SERPINB1: variants seen among roughly 807,000 people sequenced by gnomAD.
SERPINB1 encodes leukocyte elastase inhibitor.
In SERPINB1, 23 loss-of-function variants were observed where a neutral mutation model predicts 25.9. The observed-to-expected ratio is 0.89, with a 90% CI of 0.64 to 1.26. The LOEUF is 1.26. Ranked by LOEUF, SERPINB1 falls within the 50% of genes most tolerant of loss-of-function variation. The probability of loss-of-function intolerance (pLI) is 0.00; values close to 1 mark genes in which losing one functional copy is unlikely to be tolerated. For synonymous variants in SERPINB1, 178 were observed against 178.7 expected, an observed-to-expected ratio of 1.00 and a Z score of 0.03; for missense variants, 399 against 463.6, an observed-to-expected ratio of 0.86 and a Z score of 1.28.
chr6:2,840,579 T>C lies in SERPINB1; in HGVS notation c.8A>G (p.Gln3Arg). 2 of 1,611,890 alleles carry C rather than the reference T, an allele frequency of 1.2e-6. No individual in the cohort carries two copies. Among genetic ancestry groups the C allele is most frequent in the Non-Finnish European group, 1.7e-6 (2 of 1,178,950 alleles). ME[Q>R]LSSANTRFAL... Reference sequence around the variant, plus strand: ...GAAGCGGGTGTTTGCTGAGCTCAGCTGCTCCATGGTGAAAACTGCAACACA... The same window carrying C: ...GAAGCGGGTGTTTGCTGAGCTCAGCCGCTCCATGGTGAAAACTGCAACACA... Residue 3 changes from glutamine to arginine, a missense_variant, in exon 2 of 7, where the codon CAG (glutamine) becomes CGG (arginine). Coordinates refer to ENST00000380739, the MANE Select transcript of SERPINB1 (RefSeq NM_030666.4).
At chr6:2,839,231 C>T in intron 2 of SERPINB1, 1 of 754,958 alleles carries the variant, frequency 1.3e-6, no homozygotes, top group Non-Finnish European at 1.6e-6. Context: ...GTATCAGTTA[C>T]AAATCAAGAG....
intron 2 of SERPINB1, among the ~76,000 whole-genome samples, chr6:2,839,084 T>C (rs948628661): frequency 3.3e-5 from 5 of 152,246 alleles, no homozygotes; most frequent in Non-Finnish European, 5.9e-5. Flanking sequence ...AAAATAGGAT[T>C]CATCCTCTAT....
chr6:2,840,648 G>A lies in SERPINB1; in HGVS notation c.-8-54C>T. The A allele has an allele frequency of 3.3e-6, 5 of 1,502,962 alleles. No homozygotes were observed. The South Asian group carries it at 3.9e-5, about 12-fold the overall frequency. 93.1% of individuals were successfully genotyped at this position (1,502,962 alleles called of 1,614,324 possible). ...GCCCACTGCCCACGCCAGCAGATTA[G>A]GCAGCACTATTTCTCCAGAAGCTTC... On this transcript the variant is annotated intron_variant, in intron 1 of 6. Coordinates refer to ENST00000380739, the MANE Select transcript of SERPINB1 (RefSeq NM_030666.4).
rs555683814 is a variant in SERPINB1, at chr6:2,835,892, C to A, written c.699G>T (p.Pro233=). The A allele has an allele frequency of 6.2e-7, 1 of 1,614,110 alleles. No homozygotes were observed. Among genetic ancestry groups the A allele is most frequent in the Non-Finnish European group, 8.5e-7 (1 of 1,180,030 alleles). ...GEELSMVILL[P]DDIEDESTGL... ...CCGTGGACTCGTCCTCAATGTCATC[C>A]GGCAGCAGGATGACCATGCTGAGCT... Residue 233 remains proline (P), a synonymous_variant, in exon 6 of 7, where the codon CCG becomes CCT. Transcript: ENST00000380739.
Position 2,833,897 on chromosome 6 carries a change from AGAG to A in SERPINB1, c.848_850del (p.Thr283_Leu284delinsIle). 1 of 1,614,166 alleles carries A rather than the reference AGAG, an allele frequency of 6.2e-7. No homozygotes were observed. Among genetic ancestry groups the A allele is most frequent in the Non-Finnish European group, 8.5e-7 (1 of 1,180,030 alleles). ...ACCTAGGCGGGCGAGGTCGGAGTTG[AGAG>A]TGTAACTCTCTTCCAGTTTGAACCT... On this transcript the variant is annotated inframe_deletion, in exon 7 of 7. Coordinates refer to ENST00000380739, the MANE Select transcript of SERPINB1 (RefSeq NM_030666.4).
chr6:2,840,608 C>A lies in SERPINB1; in HGVS notation c.-8-14G>T. ...CCATGGTGAAAACTGCAACACAGAA[C>A]AGGGTCCTCATGGTGCCCACTGCCC... On this transcript the variant is annotated splice_polypyrimidine_tract_variant and intron_variant, in intron 1 of 6. Coordinates refer to ENST00000380739, the MANE Select transcript of SERPINB1 (RefSeq NM_030666.4). 1 of 1,593,844 alleles carries A rather than the reference C, an allele frequency of 6.3e-7. No individual in the cohort carries two copies. The highest frequency in any genetic ancestry group is 8.6e-7 in the Non-Finnish European group (1 of 1,169,074).
intron 6 of SERPINB1, among the ~76,000 whole-genome samples, chr6:2,835,546 T>C (rs1011663235): frequency 1.3e-5 from 2 of 151,936 alleles, no homozygotes; most frequent in African/African-American, 2.4e-5. Context: ...TCTTGAAAAA[T>C]GAAACGTTAG....
chr6:2,840,515 C>A lies in SERPINB1; in HGVS notation c.72G>T (p.Pro24=), dbSNP rs532327597. ...DLFLALSENN[P]AGNIFISPFS... Reference sequence around the variant, plus strand: ...AGGGAGAGATGAAGATGTTTCCAGCCGGATTGTTCTCACTCAACGCCAGGA... The same window carrying A: ...AGGGAGAGATGAAGATGTTTCCAGCAGGATTGTTCTCACTCAACGCCAGGA... Residue 24 remains proline (P), a synonymous_variant, in exon 2 of 7, where the codon CCG becomes CCT. Coordinates refer to ENST00000380739, the MANE Select transcript of SERPINB1 (RefSeq NM_030666.4). 2 of 1,614,116 alleles carry A rather than the reference C, an allele frequency of 1.2e-6. No homozygotes were observed. The highest frequency in any genetic ancestry group is 1.1e-5 in the South Asian group (1 of 91,080).
intron 6 of SERPINB1, among the ~76,000 whole-genome samples, chr6:2,835,071 A>G (rs1287892078): frequency 6.6e-6 from 1 of 152,242 alleles, no homozygotes; most frequent in Non-Finnish European, 1.5e-5. Flanking sequence ...TTGTTATACA[A>G]TGTATTAAAA....
chr6:2,836,011 T>C lies in SERPINB1; in HGVS notation c.580A>G (p.Thr194Ala). Residue 194 changes from threonine (T) to alanine (A), a missense_variant, in exon 6 of 7, where the codon ACT (threonine) becomes GCT (alanine). By Grantham distance (58) the Thr-to-Ala change is moderately conservative (BLOSUM62 0). Transcript: ENST00000380739. ...TTCTTCTGATACATCATTTTCACAG[T>C]TTTTCTGTCTTTCTGAACAGTTTTA... ...PFRLNKKDRK[T>A]VKMMYQKKKF... 6.2e-7 allele frequency: 1 copy of C among 1,614,110 alleles called. No homozygotes were observed. The highest frequency in any genetic ancestry group is 8.5e-7 in the Non-Finnish European group (1 of 1,180,034).
In SERPINB1 at chr6:2,833,521, G is replaced by T. The variant is rs2113529133; in HGVS notation, c.*87C>A. 4.8e-6 allele frequency: 6 copies of T among 1,237,758 alleles called. No individual in the cohort carries two copies. In the South Asian group the frequency reaches 9.6e-5, roughly 20 times the overall value. 76.7% of individuals were successfully genotyped at this position (1,237,758 alleles called of 1,614,324 possible). A position where few individuals can be genotyped will look rare whatever the true frequency, so the allele number is the denominator to read the frequency against. ...TTGTTTCTGAACAGTGGTTTTATTG[G>T]TAAAGATATAAGACATATTGGCTCT... On this transcript the variant is annotated 3_prime_UTR_variant, in exon 7 of 7. Transcript: ENST00000380739.
rs1043478279 is a variant in SERPINB1, at chr6:2,837,348, G to T, written c.424+534C>A. Reference sequence around the variant, plus strand: ...GGCTGGAGTACAGTGGCATGATCTCGGCTCACTGTAACCTTTACCTCCTGT... The same window carrying T: ...GGCTGGAGTACAGTGGCATGATCTCTGCTCACTGTAACCTTTACCTCCTGT... On this transcript the variant is annotated intron_variant, in intron 4 of 6. Transcript: ENST00000380739. The surrounding 1 kb of genome is among the most constrained non-coding windows in gnomAD (Gnocchi z 4.3). Among the ~76,000 whole-genome samples, 1 of 151,688 alleles carries T rather than the reference G, an allele frequency of 6.6e-6. No homozygotes were observed. Among genetic ancestry groups the T allele is most frequent in the East Asian group, 1.9e-4 (1 of 5,184 alleles).
intron 6 of SERPINB1, 117 bp downstream of exon 6, chr6:2,835,739 A>G: frequency 8.4e-7 from 1 of 1,190,130 alleles, no homozygotes; most frequent in Non-Finnish European, 1.2e-6. Flanking sequence ...CTACATTTAC[A>G]AAGGAATGAC....
Position 2,837,838 on chromosome 6 carries a change from G to T in SERPINB1, c.424+44C>A. The T allele has an allele frequency of 1.4e-6, 2 of 1,404,590 alleles. No individual in the cohort carries two copies. Among genetic ancestry groups the T allele is most frequent in the South Asian group, 1.2e-5 (1 of 86,472 alleles). 87.0% of individuals were successfully genotyped at this position (1,404,590 alleles called of 1,614,324 possible). On this transcript the variant is annotated intron_variant, in intron 4 of 6. Coordinates refer to ENST00000380739, the MANE Select transcript of SERPINB1 (RefSeq NM_030666.4). The surrounding 1 kb of genome is among the most constrained non-coding windows in gnomAD (Gnocchi z 4.3). The stretch of plus-strand genomic sequence containing the variant: ...GGGAAGGCGGACTGAGGAAACGAAT[G>T]ACATGACCAGCGCATAATGATTCCA...
At chr6:2,839,922 G>A (rs1033373231) in intron 2 of SERPINB1, among the ~76,000 whole-genome samples, 2 of 152,162 alleles carry the variant, frequency 1.3e-5, no homozygotes, top group South Asian at 4.1e-4. Flanking sequence ...CAGAACCACA[G>A]GGTCACTTTT....
At position 2,838,679 on chromosome 6, in the gene SERPINB1, T is replaced by C; in HGVS notation, c.176A>G (p.His59Arg). Residue 59 changes from histidine to arginine, a missense_variant, in exon 3 of 7, where the codon CAT (histidine) becomes CGT (arginine). By Grantham distance (29) the His-to-Arg change is conservative. Coordinates refer to ENST00000380739, the MANE Select transcript of SERPINB1 (RefSeq NM_030666.4). ...ATGAACCTCTTCAACCGTGTTGAAATGGAAAGTCTAAAATAAAGAAAATCT... is the reference window on the plus strand; with the variant it reads ...ATGAACCTCTTCAACCGTGTTGAAACGGAAAGTCTAAAATAAAGAAAATCT... Reference protein sequence around the residue: ...NTAAQLSKTFHFNTVEEVHSR... With the variant: ...NTAAQLSKTFRFNTVEEVHSR... 1 of 1,577,042 alleles carries C rather than the reference T, an allele frequency of 6.3e-7. No individual in the cohort carries two copies. Among genetic ancestry groups the C allele is most frequent in the Non-Finnish European group, 8.6e-7 (1 of 1,163,860 alleles).
chr6:2,837,252 TTTTAAC>T lies in SERPINB1; in HGVS notation c.424+624_424+629del, dbSNP rs1766516451. Among the ~76,000 whole-genome samples the T allele has an allele frequency of 6.6e-6, 1 of 152,100 alleles. No individual in the cohort carries two copies. Among genetic ancestry groups the T allele is most frequent in the East Asian group, 1.9e-4 (1 of 5,192 alleles). On this transcript the variant is annotated intron_variant, in intron 4 of 6. Transcript: ENST00000380739. This position sits in a 1 kb window ranked among gnomAD's most constrained non-coding sequence, Gnocchi z 4.3. ...CCTTTTTTGCTGTATTCAGTGTTGG[TTTTAAC>T]TTTATTTTTTATTTTTTATTATTTT...
Position 2,838,083 on chromosome 6 carries a change from A to G in SERPINB1, c.307-84T>C, listed in dbSNP as rs896213813. 8 of 935,416 alleles carry G rather than the reference A, an allele frequency of 8.6e-6. No homozygotes were observed. In the African/African-American group the frequency reaches 1.3e-4, roughly 16 times the overall value. 57.9% of individuals were successfully genotyped at this position (935,416 alleles called of 1,614,324 possible). A position where few individuals can be genotyped will look rare whatever the true frequency, so the allele number is the denominator to read the frequency against. The stretch of plus-strand genomic sequence containing the variant: ...TTTCTAAAATCCCAAAAAGCAACAG[A>G]AATTGTCCTAAAAGGCTACAATTCC... On this transcript the variant is annotated intron_variant, in intron 3 of 6. Coordinates refer to ENST00000380739, the MANE Select transcript of SERPINB1 (RefSeq NM_030666.4).
At chr6:2,835,806 G>T in intron 6 of SERPINB1, 50 bp downstream of exon 6, 1 of 1,565,282 alleles carries the variant, frequency 6.4e-7, no homozygotes. Flanking sequence ...CCTACCATGC[G>T]ACACACACAT....
Sources: allele counts gnomAD v4.1 joint callset (sites outside exome capture counted in the v4.1 genomes callset), GRCh38; gene constraint gnomAD v4.1.1; non-coding constraint Gnocchi (gnomAD v3.1); transcripts MANE v1.5; gene names NCBI Gene and HGNC (gene_info 2026-07-23, HGNC 2026-07-21).